ZMAT4: variants seen among roughly 807,000 people sequenced by gnomAD.
ZMAT4 encodes zinc finger matrin-type protein 4.
A neutral mutation model predicts 28.7 loss-of-function variants in ZMAT4; 17 were observed. That is an observed-to-expected ratio of 0.59 (90% CI 0.41 to 0.89). The LOEUF is 0.89. ZMAT4 is among the 40% of genes least tolerant of loss of function. ZMAT4 has a pLI of 0.00. For missense variants in ZMAT4, 240 were observed against 283.8 expected, an observed-to-expected ratio of 0.85 and a Z score of 1.11; for synonymous variants, 117 against 109.2, an observed-to-expected ratio of 1.07 and a Z score of -0.44.
chr8:40,752,587 C>A (rs1295419187), intron 3 of ZMAT4, among the ~76,000 whole-genome samples: 1 of 152,182 alleles, frequency 6.6e-6, no homozygotes, highest in Admixed American at 6.5e-5. Flanking sequence ...TCCCTGTGAC[C>A]GCGGGACGGG....
chr8:40,584,066 G>A (rs1429313482), intron 5 of ZMAT4, among the ~76,000 whole-genome samples: 2 of 152,184 alleles, frequency 1.3e-5, no homozygotes, highest in Non-Finnish European at 2.9e-5. Flanking sequence ...TATTTAGGAA[G>A]AAAATGGGAG....
rs1348528274 is a variant in ZMAT4, at chr8:40,850,692, C to T, written c.-4-25012G>A. Among the ~76,000 whole-genome samples, 8 of 152,288 alleles carry T rather than the reference C, an allele frequency of 5.3e-5. No homozygotes were observed. The East Asian group carries it at 9.7e-4, about 18-fold the overall frequency. ...CTCACTAAATTTAGTTTCTCACACT[C>T]GTGCATTTACAGATCACGTGGGGTG... is the stretch of plus-strand genomic sequence containing the variant. On this transcript the variant is annotated intron_variant, in intron 1 of 6. Transcript: ENST00000297737.
At chr8:40,832,077 C>T (rs1188929004) in intron 1 of ZMAT4, among the ~76,000 whole-genome samples, 1 of 152,184 alleles carries the variant, frequency 6.6e-6, no homozygotes, top group African/African-American at 2.4e-5. Context: ...GACCCCTGTG[C>T]CCACGGCCTT....
intron 6 of ZMAT4, among the ~76,000 whole-genome samples, chr8:40,539,893 A>T (rs1286722072): frequency 6.6e-6 from 1 of 152,180 alleles, no homozygotes; most frequent in Admixed American, 6.5e-5. Flanking sequence ...GTGAGTCCCT[A>T]GATAGATTCA....
intron 5 of ZMAT4, among the ~76,000 whole-genome samples, chr8:40,647,837 T>C (rs2118797559): frequency 6.6e-6 from 1 of 151,976 alleles, no homozygotes; most frequent in South Asian, 2.1e-4. Context: ...ACACGCAGGG[T>C]ATTCCAACAG....
chr8:40,853,733 C>T (rs1171883224), intron 1 of ZMAT4, among the ~76,000 whole-genome samples: 1 of 151,952 alleles, frequency 6.6e-6, no homozygotes, highest in African/African-American at 2.4e-5. Flanking sequence ...CCAGTTTCAC[C>T]CATTTTGCTT....
rs938252922 is a variant in ZMAT4, at chr8:40,881,574, GAAAGAAAGAAAGAAAGAAAGAAAGA to G, written c.-5+16084_-5+16108del. Among the ~76,000 whole-genome samples the G allele has an allele frequency of 2.0e-4, 21 of 104,924 alleles. 1 individual carries two copies. The highest frequency in any genetic ancestry group is 6.1e-4 in the South Asian group (2 of 3,290). The allele number at this position is 104,924 out of a possible 152,430, so 68.8% of individuals were successfully genotyped here. A position where few individuals can be genotyped will look rare whatever the true frequency, so the allele number is the denominator to read the frequency against. ...AGAAAGAAAGAAAGAAAGAAAGAAA[GAAAGAAAGAAAGAAAGAAAGAAAGA>G]AAAGAAAAGAAAAGAGAGAGAGAAA... On this transcript the variant is annotated intron_variant, in intron 1 of 6. Transcript: ENST00000297737.
At chr8:40,664,834 T>C (rs185235923) in intron 5 of ZMAT4, among the ~76,000 whole-genome samples, 21 of 152,344 alleles carry the variant, frequency 1.4e-4, no homozygotes, top group African/African-American at 4.3e-4. Flanking sequence ...CTAGAATGTC[T>C]TTCCTTTGAT....
intron 5 of ZMAT4, among the ~76,000 whole-genome samples, chr8:40,658,491 T>C (rs557747965): frequency 2.7e-4 from 41 of 151,728 alleles, no homozygotes; most frequent in African/African-American, 9.9e-4. Context: ...GCATGGGGGG[T>C]TGGGAGGTGT....
intron 3 of ZMAT4, among the ~76,000 whole-genome samples, chr8:40,751,231 T>C (rs955307194): frequency 8.5e-5 from 13 of 152,262 alleles, no homozygotes; most frequent in African/African-American, 3.1e-4. Context: ...TACCTGAGAC[T>C]GGGTAATTTA....
chr8:40,775,967 G>T (rs1813576167), intron 2 of ZMAT4, among the ~76,000 whole-genome samples: 2 of 152,202 alleles, frequency 1.3e-5, no homozygotes, highest in Admixed American at 1.3e-4. Context: ...CAAGAAGGCG[G>T]CTGTCTACAC....
chr8:40,796,919 T>C (rs2150583398), intron 2 of ZMAT4, among the ~76,000 whole-genome samples: 1 of 152,260 alleles, frequency 6.6e-6, no homozygotes, highest in South Asian at 2.1e-4. Flanking sequence ...CACAAGGCCT[T>C]CCAGCCCCAT....
At chr8:40,895,715 T>C (rs551575196) in intron 1 of ZMAT4, among the ~76,000 whole-genome samples, 3 of 152,210 alleles carry the variant, frequency 2.0e-5, no homozygotes, top group South Asian at 4.1e-4. Context: ...CCTATCACGA[T>C]AGAAATCCAA....
intron 1 of ZMAT4, among the ~76,000 whole-genome samples, chr8:40,845,587 C>T (rs150703921): frequency 5.6e-4 from 85 of 151,978 alleles, no homozygotes; most frequent in African/African-American, 1.9e-3. Flanking sequence ...GTCCTGTAAT[C>T]TAACTACAGG....
intron 2 of ZMAT4, among the ~76,000 whole-genome samples, chr8:40,816,595 T>C (rs1815551117): frequency 6.6e-6 from 1 of 152,154 alleles, no homozygotes; most frequent in Non-Finnish European, 1.5e-5. Flanking sequence ...TGGCAAAACT[T>C]GCCAACAATA....
chr8:40,831,640 T>C (rs1417864644), intron 1 of ZMAT4, among the ~76,000 whole-genome samples: 1 of 152,260 alleles, frequency 6.6e-6, no homozygotes, highest in African/African-American at 2.4e-5. Context: ...TCTAATAACC[T>C]ACTTTCCACC....
rs539028424 is a variant in ZMAT4, at chr8:40,753,148, A to G, written c.192+14493T>C. Among the ~76,000 whole-genome samples, 4 of 139,476 alleles carry G rather than the reference A, an allele frequency of 2.9e-5. No individual in the cohort carries two copies. The East Asian group carries it at 9.2e-4, about 32-fold the overall frequency. The allele number at this position is 139,476 out of a possible 152,430, so 91.5% of individuals were successfully genotyped here. On this transcript the variant is annotated intron_variant, in intron 3 of 6. Transcript: ENST00000297737. ...CTCCCAATTACGAGTGAGAACATGCAGTGTTTGTTTTTCTGTTCCTGTGTT... is the reference window on the plus strand; with the variant it reads ...CTCCCAATTACGAGTGAGAACATGCGGTGTTTGTTTTTCTGTTCCTGTGTT...
Position 40,616,855 on chromosome 8 carries a change from G to A in ZMAT4, c.578-35594C>T, listed in dbSNP as rs140997053. On this transcript the variant is annotated intron_variant, in intron 5 of 6. Transcript: ENST00000297737. ...CACATATGTAACAAGCCTGCATGTTGTGCACATGTACCCTAGAAATTAAAG... is the reference window on the plus strand; with the variant it reads ...CACATATGTAACAAGCCTGCATGTTATGCACATGTACCCTAGAAATTAAAG... Among the ~76,000 whole-genome samples, 203 of 149,138 alleles carry A rather than the reference G, an allele frequency of 1.4e-3. 2 individuals carry two copies. In the East Asian group the frequency reaches 0.017, roughly 13 times the overall value.
chr8:40,760,326 T>C (rs1812872006), intron 3 of ZMAT4, among the ~76,000 whole-genome samples: 1 of 152,134 alleles, frequency 6.6e-6, no homozygotes, highest in South Asian at 2.1e-4. Context: ...TTTTTTCTTT[T>C]ATTTGACCCT....
Sources: allele counts gnomAD v4.1 joint callset (sites outside exome capture counted in the v4.1 genomes callset), GRCh38; gene constraint gnomAD v4.1.1; transcripts MANE v1.5; gene names NCBI Gene and HGNC (gene_info 2026-07-23, HGNC 2026-07-21).